The following LAP3 variants were observed in gnomAD, a reference collection of about 807,000 sequenced individuals.
LAP3 encodes cytosol aminopeptidase.
LAP3 carries 46 observed loss-of-function variants against 58.8 expected under a neutral mutation model. That is an observed-to-expected ratio of 0.78 (90% CI 0.62 to 1.00). The LOEUF (loss-of-function observed/expected upper bound fraction) is 1.00. Among genes scored for constraint, LAP3 ranks in the 50% least tolerant of loss-of-function variants. The pLI is 0.00. For missense variants in LAP3, 615 were observed against 659.1 expected, an observed-to-expected ratio of 0.93 and a Z score of 0.73; for synonymous variants, 257 against 237.7, an observed-to-expected ratio of 1.08 and a Z score of -0.75.
chr4:17,581,015 T>C (rs1713348343), intron 2 of LAP3, among the ~76,000 whole-genome samples: 1 of 152,256 alleles, frequency 6.6e-6, no homozygotes. Context: ...AGTGCATTGA[T>C]TAATTCATTA....
intron 6 of LAP3, among the ~76,000 whole-genome samples, chr4:17,588,579 A>C (rs142987363): frequency 0.012 from 1,769 of 152,340 alleles, 39 homozygotes; most frequent in African/African-American, 0.04. Flanking sequence ...GTAATTCAAT[A>C]ATCTTTTGAT....
chr4:17,577,446 C>G lies in LAP3; in HGVS notation c.-20C>G. On this transcript the variant is annotated 5_prime_UTR_variant, in exon 1 of 13. Transcript: ENST00000226299. ...TCCACGTGCTCGCTGGAGGGCGGTG[C>G]GAGGGGCCGAGCCGACAAGATGTTC... The G allele has an allele frequency of 6.5e-7, 1 of 1,530,482 alleles. No homozygotes were observed. The highest frequency in any genetic ancestry group is 1.2e-5 in the South Asian group (1 of 82,452). The allele number at this position is 1,530,482 out of a possible 1,614,324, so 94.8% of individuals were successfully genotyped here. A position where few individuals can be genotyped will look rare whatever the true frequency, so the allele number is the denominator to read the frequency against.
At chr4:17,605,763 A>G (rs1032720660) in intron 11 of LAP3, among the ~76,000 whole-genome samples, 2 of 151,950 alleles carry the variant, frequency 1.3e-5, no homozygotes, top group Non-Finnish European at 2.9e-5. Context: ...CCTCTCTTTC[A>G]TGGCACCCAC....
At chr4:17,603,277 C>T (rs995496131) in intron 10 of LAP3, among the ~76,000 whole-genome samples, 5 of 151,948 alleles carry the variant, frequency 3.3e-5, no homozygotes, top group African/African-American at 1.2e-4. Context: ...CACTGCACTC[C>T]AGCCTGGGCA....
intron 4 of LAP3, 37 bp downstream of exon 4, chr4:17,582,430 T>C (rs1713389965): frequency 8.6e-6 from 13 of 1,516,072 alleles, no homozygotes; most frequent in African/African-American, 1.4e-5. Context: ...ATCCTGAGGA[T>C]CCACTCTTTT....
rs775613886 is a variant in LAP3 at position 17,595,450 on chromosome 4, A to C, written c.904A>C (p.Met302Leu). 6.2e-7 allele frequency: 1 copy of C among 1,613,928 alleles called. No individual in the cohort carries two copies. Among genetic ancestry groups the C allele is most frequent in the South Asian group, 1.1e-5 (1 of 91,078 alleles). ...CAAGGCTTCTGCAAATATGGACCTC[A>C]TGAGGGCTGACATGGGAGGAGCTGC... ...SIKASANMDL[M>L]RADMGGAATI... Residue 302 changes from methionine to leucine, a missense_variant, in exon 8 of 13, where the codon ATG (methionine) becomes CTG (leucine). By Grantham distance (15) the Met-to-Leu change is conservative. Transcript: ENST00000226299.
Position 17,588,960 on chromosome 4 carries a change from A to G in LAP3, c.846A>G (p.Lys282=), listed in dbSNP as rs754579467. 1.9e-6 allele frequency: 3 copies of G among 1,614,080 alleles called. No individual in the cohort carries two copies. In the Admixed American group the frequency reaches 5.0e-5, roughly 27 times the overall value. ...ANEPPLVFVG[K]GITFDSGGIS... is the part of the protein sequence containing the mutation. ...AACCACCCCTGGTGTTTGTTGGGAAAGGAATTACCTTTGACAGGTATTTTT... is the reference window on the plus strand; with the variant it reads ...AACCACCCCTGGTGTTTGTTGGGAAGGGAATTACCTTTGACAGGTATTTTT... The change falls in exon 7 of 13, where the codon AAA becomes AAG. Residue 282 remains lysine (K), a synonymous_variant. Transcript: ENST00000226299.
chr4:17,601,083 A>G (rs1713971735), intron 10 of LAP3, among the ~76,000 whole-genome samples: 1 of 152,102 alleles, frequency 6.6e-6, no homozygotes, highest in African/African-American at 2.4e-5. Flanking sequence ...GTTTCTTTTC[A>G]TTTTCTTAAT....
chr4:17,580,186 T>TATATATATGTA (rs58358985), intron 2 of LAP3, among the ~76,000 whole-genome samples: 3 of 30,198 alleles, frequency 9.9e-5, no homozygotes, highest in African/African-American at 6.9e-4. Flanking sequence ...ATATATGTAT[T>TATATATATGTA]TTTTTTTTTT....
intron 6 of LAP3, among the ~76,000 whole-genome samples, chr4:17,588,245 G>A (rs551866908): frequency 6.6e-6 from 1 of 151,830 alleles, no homozygotes; most frequent in Non-Finnish European, 1.5e-5. Flanking sequence ...TTGTTGCCTA[G>A]GCTGGTCTCA....
rs1350601268 is a variant in LAP3 at position 17,607,548 on chromosome 4, C to T, written c.1519C>T (p.Leu507Phe). 1.9e-6 allele frequency: 3 copies of T among 1,613,710 alleles called. No homozygotes were observed. Among genetic ancestry groups the T allele is most frequent in the Non-Finnish European group, 2.5e-6 (3 of 1,179,950 alleles). ...CATGACTGGGAGGCCCACAAGGACT[C>T]TCATTGAGTTCTTACTTCGTTTCAG... is the stretch of plus-strand genomic sequence containing the variant. ...KGMTGRPTRT[L>F]IEFLLRFSQD... The change falls in exon 13 of 13, where the codon CTC (leucine) becomes TTC (phenylalanine). Residue 507 changes from leucine (L) to phenylalanine (F), a missense_variant. Physicochemically the swap from Leu to Phe is conservative, Grantham distance 22 (BLOSUM62 0). Coordinates refer to ENST00000226299, the MANE Select transcript of LAP3 (RefSeq NM_015907.3).
intron 4 of LAP3, 125 bp from the exon 5 acceptor site, chr4:17,583,358 G>A (rs543323982): frequency 1.1e-5 from 10 of 942,258 alleles, no homozygotes; most frequent in Middle Eastern, 3.4e-4. Context: ...CAGAACATTC[G>A]GGTATCAGGG....
At chr4:17,589,054 TTTGG>T in intron 7 of LAP3, 77 bp downstream of exon 7, 1 of 1,421,828 alleles carries the variant, frequency 7.0e-7, no homozygotes, top group Non-Finnish European at 9.4e-7. Flanking sequence ...TATAGGGTTT[TTTGG>T]TTTGATTTTT....
chr4:17,593,745 T>C (rs1713761403), intron 7 of LAP3, among the ~76,000 whole-genome samples: 2 of 150,894 alleles, frequency 1.3e-5, no homozygotes, highest in South Asian at 4.2e-4. Context: ...CCCGAGTAGC[T>C]GGGACTACAG....
In LAP3 at chr4:17,588,892, GTCT is replaced by G; in HGVS notation, c.783_785del (p.Phe261del). The G allele has an allele frequency of 6.2e-7, 1 of 1,614,108 alleles. No homozygotes were observed. Among genetic ancestry groups the G allele is most frequent in the Non-Finnish European group, 8.5e-7 (1 of 1,180,022 alleles). ...GGCCAAAGGATCTGACGAGCCCCCA[GTCT>G]TCTTGGAAATTCACTACAAAGGCAG... On this transcript the variant is annotated inframe_deletion, in exon 7 of 13. Transcript: ENST00000226299.
At chr4:17,598,371 CT>C in intron 9 of LAP3, 84 bp from the exon 10 acceptor site, 1 of 1,000,250 alleles carries the variant, frequency 1.0e-6, no homozygotes, top group Non-Finnish European at 1.6e-6. Flanking sequence ...CTTTTTCCAA[CT>C]TTTCCGTCGA....
Position 17,588,938 on chromosome 4 carries a change from C to G in LAP3, c.824C>G (p.Pro275Arg). The G allele has an allele frequency of 6.2e-7, 1 of 1,614,168 alleles. No homozygotes were observed. Among genetic ancestry groups the G allele is most frequent in the Non-Finnish European group, 8.5e-7 (1 of 1,180,034 alleles). Residue 275 changes from proline (P) to arginine (R), a missense_variant, in exon 7 of 13, where the codon CCA becomes CGA. By Grantham distance (103) the Pro-to-Arg change is moderately radical. Transcript: ENST00000226299. The part of the protein sequence containing the change: ...HYKGSPNANE[P>R]PLVFVGKGIT... ...AAAGGCAGCCCCAATGCAAACGAAC[C>G]ACCCCTGGTGTTTGTTGGGAAAGGA...
At chr4:17,606,808 C>T (rs1714154351) in intron 11 of LAP3, 21 bp from the exon 12 acceptor site, 2 of 1,549,960 alleles carry the variant, frequency 1.3e-6, no homozygotes, top group Non-Finnish European at 1.8e-6. Flanking sequence ...CACTCTTCCA[C>T]CTGTCATACC....
chr4:17,585,847 G>C (rs1235764561), intron 6 of LAP3: 2 of 152,232 alleles, frequency 1.3e-5, no homozygotes, highest in African/African-American at 4.8e-5. Flanking sequence ...CCTAAAGCCA[G>C]CAGGGGATGG....
Sources: gnomAD v4.1 joint callset for allele counts (sites outside exome capture counted in the v4.1 genomes callset) on GRCh38, gnomAD v4.1.1 for gene constraint, MANE v1.5 for transcripts, NCBI Gene and HGNC (gene_info 2026-07-23, HGNC 2026-07-21) for gene names.